Variants in ZNF483 observed in about 807,000 individuals in gnomAD.
ZNF483 encodes the protein zinc finger protein HIT-10.
ZNF483 carries 9 observed loss-of-function variants against 28.6 expected under a neutral mutation model. That is an observed-to-expected ratio of 0.32 (90% CI 0.19 to 0.55). The LOEUF is 0.55. Among genes scored for constraint, ZNF483 ranks in the 20% least tolerant of loss-of-function variants. The pLI is 0.93. For missense variants in ZNF483, 675 were observed against 871.7 expected (o/e 0.77, Z 2.84); for synonymous variants, 322 against 306.2 (o/e 1.05, Z -0.54).
Position 111,547,856 on chromosome 9 carries a change from T to G in ZNF483, c.*4686T>G, listed in dbSNP as rs1157495275. 3.3e-5 allele frequency among the ~76,000 whole-genome samples: 5 copies of G among 152,184 alleles called. No homozygotes were observed. The highest frequency in any genetic ancestry group is 1.2e-4 in the African/African-American group (5 of 41,460). ...TTCTTTTGCATGCGAATATCCAGTT[T>G]TCCCAGCCCCATCTGTTGAAGAGAC... On this transcript the variant is annotated 3_prime_UTR_variant, in exon 6 of 6. Transcript: ENST00000309235.
At chr9:111,530,580 A>G (rs574482967) in intron 2 of ZNF483, among the ~76,000 whole-genome samples, 2 of 151,244 alleles carry the variant, frequency 1.3e-5, no homozygotes, top group South Asian at 2.1e-4. Flanking sequence ...CTCCAGGTAG[A>G]TAGCATTAGA....
intron 2 of ZNF483, 135 bp downstream of exon 2, chr9:111,527,942 G>A: frequency 6.5e-7 from 1 of 1,548,176 alleles, no homozygotes; most frequent in Non-Finnish European, 8.7e-7. Context: ...AATCAGCCCT[G>A]CCATTTACTG....
At chr9:111,557,453 CT>C (rs376254465), downstream of ZNF483, among the ~76,000 whole-genome samples, 23,366 of 148,394 alleles carry the variant, frequency 0.16, 2,387 homozygotes, top group African/African-American at 0.28. Context: ...CTTTTTTTTG[CT>C]TTTTTTTTGG....
downstream of ZNF483, among the ~76,000 whole-genome samples, chr9:111,555,691 C>T (rs1230721537): frequency 6.6e-6 from 1 of 152,114 alleles, no homozygotes; most frequent in Non-Finnish European, 1.5e-5. Context: ...GGAAGTGCTA[C>T]ACACTTCTAA....
intron 3 of ZNF483, among the ~76,000 whole-genome samples, chr9:111,531,399 CAG>C (rs1491024228): frequency 6.6e-6 from 1 of 151,934 alleles, no homozygotes; most frequent in Non-Finnish European, 1.5e-5. Context: ...TTTCTTGAGA[CAG>C]AGTTTTACTC....
rs368038483 is a variant in ZNF483 at position 111,536,875 on chromosome 9, TAAGAC to T, written c.721+2527_721+2531del. On this transcript the variant is annotated intron_variant, in intron 5 of 5. Transcript: ENST00000309235. Reference sequence around the variant, plus strand: ...CTAGTAAGCTAGAGAAAAATGCTATTAAGACAAGAAAGAAAATAACATTTACGGTA... The same window carrying T: ...CTAGTAAGCTAGAGAAAAATGCTATTAAGAAAGAAAATAACATTTACGGTA... 4.5e-3 allele frequency among the ~76,000 whole-genome samples: 679 copies of T among 152,278 alleles called. 12 individuals carry two copies. Among genetic ancestry groups the T allele is most frequent in the African/African-American group, 0.015 (620 of 41,538 alleles).
At chr9:111,529,124 C>T (rs1203968123) in intron 2 of ZNF483, among the ~76,000 whole-genome samples, 1 of 138,644 alleles carries the variant, frequency 7.2e-6, no homozygotes, top group East Asian at 2.0e-4. Context: ...GCAATAACAG[C>T]GAAACTCCGT....
intron 5 of ZNF483, among the ~76,000 whole-genome samples, chr9:111,575,029 G>T (rs572396646): frequency 6.6e-6 from 1 of 152,276 alleles, no homozygotes; most frequent in East Asian, 1.9e-4. Flanking sequence ...GGCCGGGCAC[G>T]GTGGCTTACA....
rs1370567561 is a variant in ZNF483, at chr9:111,530,792, TATATATATACATATATATATATAA to T, written c.413-82_413-59del. On this transcript the variant is annotated intron_variant, in intron 2 of 5. Transcript: ENST00000309235. ...ATATATATATATATATATATATATA[TATATATATACATATATATATATAA>T]GATTTTTAGTCTGAGGAATCTGTAT... The T allele has an allele frequency of 4.9e-3, 367 of 74,604 alleles. 7 individuals are homozygous for T. The highest frequency in any genetic ancestry group is 0.019 in the South Asian group (49 of 2,514). 4.6% of individuals were successfully genotyped at this position (74,604 alleles called of 1,614,324 possible).
Position 111,542,890 on chromosome 9 carries a change from G to A in ZNF483, c.1955G>A (p.Arg652His), listed in dbSNP as rs1827709371. The change falls in exon 6 of 6, where the codon CGT (arginine) becomes CAT (histidine). Residue 652 changes from arginine to histidine, a missense_variant. By Grantham distance (29) the Arg-to-His change is conservative (BLOSUM62 0). Around this residue, in one of 6 missense-constraint regions of ZNF483, gnomAD observed 47 missense variants for 93.5 expected, o/e 0.50. Coordinates refer to ENST00000309235, the MANE Select transcript of ZNF483 (RefSeq NM_133464.5). This position sits in a 1 kb window ranked among gnomAD's most constrained non-coding sequence, Gnocchi z 6.2. ...KAFPTHSLLS[R>H]HQRIHTGVKP... ...TTCCCAACCCATTCACTGCTAAGTC[G>A]TCATCAGAGAATTCATACTGGTGTA... The A allele has an allele frequency of 1.2e-6, 2 of 1,613,854 alleles. No homozygotes were observed. The highest frequency in any genetic ancestry group is 8.5e-7 in the Non-Finnish European group (1 of 1,179,990).
intron 5 of ZNF483, among the ~76,000 whole-genome samples, chr9:111,566,761 T>C (rs183092342): frequency 6.6e-6 from 1 of 152,288 alleles, no homozygotes; most frequent in African/African-American, 2.4e-5. Context: ...GCAAAATGTA[T>C]GAATATGCTG....
rs192954220 is a variant in ZNF483 at position 111,548,468 on chromosome 9, C to A, written c.*5298C>A. ...TTTTGAGTGTTGATTTTGTATCTTG[C>A]AACTTTGCTGAATTTGTTTATTAGT... On this transcript the variant is annotated 3_prime_UTR_variant, in exon 6 of 6. Coordinates refer to ENST00000309235, the MANE Select transcript of ZNF483 (RefSeq NM_133464.5). Among the ~76,000 whole-genome samples, 1 of 152,260 alleles carries A rather than the reference C, an allele frequency of 6.6e-6. No individual in the cohort carries two copies. The highest frequency in any genetic ancestry group is 1.9e-4 in the East Asian group (1 of 5,190).
In ZNF483 at chr9:111,549,920, C is replaced by A; in HGVS notation, c.*6750C>A. 1 of 646,018 alleles carries A rather than the reference C, an allele frequency of 1.5e-6. No individual in the cohort carries two copies. Among genetic ancestry groups the A allele is most frequent in the Non-Finnish European group, 2.7e-6 (1 of 371,582 alleles). 40.0% of individuals were successfully genotyped at this position (646,018 alleles called of 1,614,324 possible). A position where few individuals can be genotyped will look rare whatever the true frequency, so the allele number is the denominator to read the frequency against. On this transcript the variant is annotated 3_prime_UTR_variant, in exon 6 of 6. Coordinates refer to ENST00000309235, the MANE Select transcript of ZNF483 (RefSeq NM_133464.5). ...CCATTTTTTGTTGGTTTATTTTGTG[C>A]CTTTGAATGGTCAATACTTGTTTCT...
Position 111,534,322 on chromosome 9 carries a change from G to A in ZNF483, c.690G>A (p.Leu230=), listed in dbSNP as rs1229762009. ...SQLKWVELPW[L]LEEVSKSSRL... is the part of the protein sequence containing the mutation. ...TAAAGTGGGTTGAATTGCCATGGCT[G>A]CTGGAAGAAGTCTCAAAAAGCTCCC... The change falls in exon 5 of 6, where the codon CTG becomes CTA. Residue 230 remains leucine, a synonymous_variant. Transcript: ENST00000309235. The A allele has an allele frequency of 6.2e-7, 1 of 1,614,044 alleles. No individual in the cohort carries two copies. Among genetic ancestry groups the A allele is most frequent in the East Asian group, 2.2e-5 (1 of 44,896 alleles).
intron 5 of ZNF483, among the ~76,000 whole-genome samples, chr9:111,567,358 T>C (rs1347856908): frequency 6.6e-6 from 1 of 152,136 alleles, no homozygotes; most frequent in Non-Finnish European, 1.5e-5. Flanking sequence ...CAGCTAATTT[T>C]TGTATTTTTA....
chr9:111,538,584 A>G (rs185567164), intron 5 of ZNF483, among the ~76,000 whole-genome samples: 1 of 152,122 alleles, frequency 6.6e-6, no homozygotes, highest in Admixed American at 6.5e-5. Context: ...AAAGGACAAC[A>G]GTTGTTTTAT....
At chr9:111,555,632 AG>A (rs1828100694), downstream of ZNF483, among the ~76,000 whole-genome samples, 1 of 152,180 alleles carries the variant, frequency 6.6e-6, no homozygotes, top group Non-Finnish European at 1.5e-5. Flanking sequence ...AGAAGGGCAA[AG>A]GGGAAGCAAG....
rs751721100 is a variant in ZNF483, at chr9:111,546,229, C to G, written c.*3059C>G. On this transcript the variant is annotated 3_prime_UTR_variant, in exon 6 of 6. Coordinates refer to ENST00000309235, the MANE Select transcript of ZNF483 (RefSeq NM_133464.5). ...GAAATGTTTATTCAGATTTTTTGTC[C>G]ATTTAAAATTGGAGTTTGCTGATAC... Among the ~76,000 whole-genome samples the G allele has an allele frequency of 2.4e-4, 36 of 152,082 alleles. No individual in the cohort carries two copies. The highest frequency in any genetic ancestry group is 4.7e-4 in the Non-Finnish European group (32 of 67,982).
intron 5 of ZNF483, among the ~76,000 whole-genome samples, chr9:111,568,972 A>G (rs188750706): frequency 6.6e-6 from 1 of 152,396 alleles, no homozygotes; most frequent in Admixed American, 6.5e-5. Context: ...TACGACAGAA[A>G]GACATCAAAG....
Sources: gnomAD v4.1 joint callset for allele counts (sites outside exome capture counted in the v4.1 genomes callset) on GRCh38, gnomAD v4.1.1 for gene constraint, gnomAD v4.1.1 regional missense constraint, Gnocchi (gnomAD v3.1) non-coding constraint, MANE v1.5 for transcripts, NCBI Gene and HGNC (gene_info 2026-07-23, HGNC 2026-07-21) for gene names.